The following TBCK variants were observed in gnomAD, a reference collection of about 807,000 sequenced individuals.
TBCK encodes TBC domain-containing protein kinase-like protein.
A neutral mutation model predicts 113.4 loss-of-function variants in TBCK; 99 were observed. The observed-to-expected ratio is 0.87, with a 90% confidence interval of 0.74 to 1.03. The LOEUF is 1.03. Ranked by LOEUF, TBCK falls within the 50% of genes least tolerant of loss-of-function variation. The pLI is 0.00. For missense variants in TBCK, 1,045 were observed against 1,061.3 expected, an observed-to-expected ratio of 0.98 and a Z score of 0.21; for synonymous variants, 369 against 370.8, an observed-to-expected ratio of 1.00 and a Z score of 0.05.
chr4:106,259,189 TAAA>T (rs1371170368), intron 5 of TBCK, among the ~76,000 whole-genome samples: 2 of 151,790 alleles, frequency 1.3e-5, no homozygotes, highest in Non-Finnish European at 3.0e-5. Flanking sequence ...GTCATAAACT[TAAA>T]AAATTTAGTT....
chr4:106,295,680 G>A (rs554639805), intron 2 of TBCK, among the ~76,000 whole-genome samples: 2 of 152,190 alleles, frequency 1.3e-5, no homozygotes, highest in South Asian at 2.1e-4. Context: ...GAACAACGCA[G>A]GGGGTTCTTA....
chr4:106,177,162 A>G (rs181102870), intron 22 of TBCK, among the ~76,000 whole-genome samples: 75 of 151,972 alleles, frequency 4.9e-4, no homozygotes, highest in African/African-American at 1.7e-3. Flanking sequence ...AGAAATGTCT[A>G]TTCAGATCAT....
chr4:106,159,237 A>G (rs1749472355), intron 23 of TBCK, among the ~76,000 whole-genome samples: 1 of 152,140 alleles, frequency 6.6e-6, no homozygotes, highest in Non-Finnish European at 1.5e-5. Context: ...TGAATAAACA[A>G]GGATGCCTGC....
chr4:106,068,857 A>G (rs1736995037), intron 25 of TBCK, among the ~76,000 whole-genome samples: 1 of 152,196 alleles, frequency 6.6e-6, no homozygotes, highest in African/African-American at 2.4e-5. Flanking sequence ...GTGAGATGGT[A>G]TCTCATTGTG....
chr4:106,303,808 A>AT lies in TBCK; in HGVS notation c.193+4959dup, dbSNP rs575908935. Among the ~76,000 whole-genome samples the AT allele has an allele frequency of 1.1e-4, 16 of 152,306 alleles. No individual in the cohort carries two copies. In the East Asian group the frequency reaches 3.1e-3, roughly 29 times the overall value. Reference sequence around the variant, plus strand: ...TGCCTGATAAGAGACCATTTGCCTGATAACCAACCATGAAGTGGTTCTGGC... The same window carrying AT: ...TGCCTGATAAGAGACCATTTGCCTGATTAACCAACCATGAAGTGGTTCTGGC... On this transcript the variant is annotated intron_variant, in intron 2 of 25. Transcript: ENST00000394708.
At chr4:106,206,330 T>A (rs1755491991) in intron 20 of TBCK, among the ~76,000 whole-genome samples, 2 of 152,236 alleles carry the variant, frequency 1.3e-5, no homozygotes, top group African/African-American at 2.4e-5. Flanking sequence ...ACCAAAAATG[T>A]CATTTTATCA....
chr4:106,124,443 C>T (rs1331590644), intron 23 of TBCK, among the ~76,000 whole-genome samples: 8 of 152,142 alleles, frequency 5.3e-5, no homozygotes, highest in Non-Finnish European at 7.3e-5. Context: ...GTCAGTGTGG[C>T]GATTCCTCAG....
intron 23 of TBCK, among the ~76,000 whole-genome samples, chr4:106,157,088 C>T (rs919263712): frequency 6.6e-5 from 10 of 152,140 alleles, no homozygotes; most frequent in African/African-American, 2.4e-4. Flanking sequence ...TGAGTCCTTC[C>T]CTTCAAGGCA....
At chr4:106,297,801 T>C (rs1766467107) in intron 2 of TBCK, 1 of 152,214 alleles carries the variant, frequency 6.6e-6, no homozygotes, top group African/African-American at 2.4e-5. Flanking sequence ...CCAGTTTTGC[T>C]ACTAATTAAC....
At position 106,091,286 on chromosome 4, in the gene TBCK, G is replaced by A. The variant is rs373578592; in HGVS notation, c.2571+4196C>T. Among the ~76,000 whole-genome samples, 5 of 152,146 alleles carry A rather than the reference G, an allele frequency of 3.3e-5. No homozygotes were observed. The East Asian group carries it at 5.8e-4, about 18-fold the overall frequency. On this transcript the variant is annotated intron_variant, in intron 25 of 25. Coordinates refer to ENST00000394708, the MANE Select transcript of TBCK (RefSeq NM_001163435.3). ...AGGAAGAGCCAGACTTTTAAACAAC[G>A]AGCTCTCATGTGAACTAACAGAGTG...
At chr4:106,192,685 A>G (rs1358150153) in intron 22 of TBCK, among the ~76,000 whole-genome samples, 2 of 152,130 alleles carry the variant, frequency 1.3e-5, no homozygotes, top group Non-Finnish European at 2.9e-5. Context: ...AGTACCAAGT[A>G]CAGATCATCC....
At chr4:106,224,829 C>T (rs991761359) in intron 19 of TBCK, among the ~76,000 whole-genome samples, 4 of 152,158 alleles carry the variant, frequency 2.6e-5, no homozygotes, top group African/African-American at 9.7e-5. Context: ...CCTATTCTCA[C>T]CAATGAAATT....
chr4:106,255,579 A>G (rs1426913645), intron 5 of TBCK, among the ~76,000 whole-genome samples: 1 of 152,144 alleles, frequency 6.6e-6, no homozygotes, highest in East Asian at 1.9e-4. Flanking sequence ...GGAAACTTGG[A>G]GATGCCAGGA....
At chr4:106,059,354 A>C (rs1361100998) in intron 25 of TBCK, among the ~76,000 whole-genome samples, 1 of 151,740 alleles carries the variant, frequency 6.6e-6, no homozygotes, top group African/African-American at 2.4e-5. Context: ...GTGTCAAGCA[A>C]GTCTATTGGT....
chr4:106,170,722 T>A (rs563236836), intron 23 of TBCK, among the ~76,000 whole-genome samples: 2 of 152,166 alleles, frequency 1.3e-5, no homozygotes, highest in South Asian at 4.2e-4. Flanking sequence ...GTTTTACAAA[T>A]GCTGTTTCTT....
intron 25 of TBCK, among the ~76,000 whole-genome samples, chr4:106,046,935 A>C (rs1734281378): frequency 6.6e-6 from 1 of 152,188 alleles, no homozygotes; most frequent in South Asian, 2.1e-4. Flanking sequence ...TGTGATAAAT[A>C]TACATGGTAA....
intron 3 of TBCK, among the ~76,000 whole-genome samples, chr4:106,278,888 C>G (rs889812601): frequency 4.0e-5 from 6 of 151,696 alleles, no homozygotes; most frequent in Admixed American, 6.6e-5. Context: ...TAAAATATAG[C>G]TAAGAAGAAA....
intron 3 of TBCK, among the ~76,000 whole-genome samples, chr4:106,282,005 C>A (rs7697996): frequency 0.14 from 20,721 of 152,010 alleles, 1,674 homozygotes; most frequent in South Asian, 0.25. Context: ...AAAAGTTTGG[C>A]GGAATTCAGC....
At chr4:106,236,953 AC>A in intron 12 of TBCK, 145 bp from the exon 13 acceptor site, 1 of 430,236 alleles carries the variant, frequency 2.3e-6, no homozygotes, top group Non-Finnish European at 4.1e-6. Context: ...ATCAGTTCTT[AC>A]CATAAACATG....
Sources: allele counts gnomAD v4.1 joint callset (sites outside exome capture counted in the v4.1 genomes callset), GRCh38; gene constraint gnomAD v4.1.1; transcripts MANE v1.5; gene names NCBI Gene and HGNC (gene_info 2026-07-23, HGNC 2026-07-21).